MYO18A: variants seen among roughly 807,000 people sequenced by gnomAD.
MYO18A encodes myosin XVIIIA, also known as unconventional myosin-XVIIIa.
In MYO18A, 78 loss-of-function variants were observed where a neutral mutation model predicts 235.8. The ratio of observed to expected loss-of-function variants is 0.33; its 90% confidence interval spans 0.28 to 0.40. MYO18A has a LOEUF of 0.40. Ranked by LOEUF, MYO18A falls within the 10% of genes least tolerant of loss-of-function variation. MYO18A has a pLI of 1.00. For synonymous variants in MYO18A, 977 were observed against 1,077.8 expected (o/e 0.91, Z 1.83); for missense variants, 2,215 against 2,699.3 (o/e 0.82, Z 3.98).
At chr17:29,079,729 C>T (rs1401401659) in intron 41 of MYO18A, 3 of 985,950 alleles carry the variant, frequency 3.0e-6, no homozygotes, top group Admixed American at 6.1e-5. Flanking sequence ...CCACCTACTG[C>T]ACTAGTCGCT....
At position 29,120,959 on chromosome 17, in the gene MYO18A, TCACCC is replaced by T; in HGVS notation, c.1585+34_1585+38del. 2.5e-6 allele frequency: 4 copies of T among 1,586,864 alleles called. No homozygotes were observed. The highest frequency in any genetic ancestry group is 3.4e-6 in the Non-Finnish European group (4 of 1,166,526). On this transcript the variant is annotated intron_variant, in intron 6 of 41. Transcript: ENST00000527372. The surrounding 1 kb of genome is among the most constrained non-coding windows in gnomAD (Gnocchi z 4.2). ...GTGCTCTCTCCTCACTCCCCTCCCC[TCACCC>T]CACTTTCAGTTTTCTCCCTTGTCCC... is the stretch of plus-strand genomic sequence containing the variant.
rs1282134981 is a variant in MYO18A, at chr17:29,090,710, C to A, written c.5305-95G>T. 6.6e-6 allele frequency: 10 copies of A among 1,519,280 alleles called. No homozygotes were observed. The East Asian group carries it at 2.0e-4, about 31-fold the overall frequency. The allele number at this position is 1,519,280 out of a possible 1,614,324, so 94.1% of individuals were successfully genotyped here. ...ACACCAGGGGACCGAGGTTCCCACT[C>A]CATCACCTCCCAAAACAAGCGGTTG... On this transcript the variant is annotated intron_variant, in intron 35 of 41. Transcript: ENST00000527372.
At chr17:29,132,176 C>A (rs577546174) in intron 2 of MYO18A, among the ~76,000 whole-genome samples, 1 of 152,274 alleles carries the variant, frequency 6.6e-6, no homozygotes, top group East Asian at 1.9e-4. Context: ...TGTGCTGGAG[C>A]CCAGGAGCTG....
At chr17:29,173,117 G>A (rs956894872) in intron 1 of MYO18A, among the ~76,000 whole-genome samples, 2 of 147,950 alleles carry the variant, frequency 1.4e-5, no homozygotes, top group Non-Finnish European at 3.0e-5. Context: ...TTTTTGAGAC[G>A]GAGTTTCGCT....
In MYO18A at chr17:29,111,867, C is replaced by T. The variant is rs374211808; in HGVS notation, c.2599-4G>A. The stretch of plus-strand genomic sequence containing the variant: ...CTGTGCGGGCCAGCGAGCGGACCTA[C>T]AGAGAAGGAAGGAAATCCCTCCTTG... On this transcript the variant is annotated splice_polypyrimidine_tract_variant and splice_region_variant and intron_variant, in intron 15 of 41. Transcript: ENST00000527372. This position sits in a 1 kb window ranked among gnomAD's most constrained non-coding sequence, Gnocchi z 5.1. 1.2e-6 allele frequency: 2 copies of T among 1,605,838 alleles called. No homozygotes were observed. Among genetic ancestry groups the T allele is most frequent in the Non-Finnish European group, 1.7e-6 (2 of 1,176,304 alleles).
intron 41 of MYO18A, chr17:29,080,493 G>A: frequency 1.1e-5 from 11 of 986,172 alleles, no homozygotes; most frequent in Non-Finnish European, 1.3e-5. Flanking sequence ...GAGAATCAGG[G>A]CTCTCCCGGC....
At position 29,166,694 on chromosome 17, in the gene MYO18A, A is replaced by C. The variant is rs1475320075; in HGVS notation, c.247T>G (p.Ser83Ala). The C allele has an allele frequency of 6.2e-7, 1 of 1,613,514 alleles. No homozygotes were observed. Among genetic ancestry groups the C allele is most frequent in the Non-Finnish European group, 8.5e-7 (1 of 1,179,836 alleles). Reference sequence around the variant, plus strand: ...ATGACGCTGCCCCGGTTACTATCGGAGTCAATGTCAGTCAGGTGCAGGTCA... The same window carrying C: ...ATGACGCTGCCCCGGTTACTATCGGCGTCAATGTCAGTCAGGTGCAGGTCA... Reference protein sequence around the residue: ...GSDLHLTDIDSDSNRGSVILD... With the variant: ...GSDLHLTDIDADSNRGSVILD... The change falls in exon 2 of 42, where the codon TCC becomes GCC. Residue 83 changes from serine to alanine, a missense_variant. Transcript: ENST00000527372.
Position 29,072,925 on chromosome 17 carries a change from G to C in MYO18A, c.*1845C>G, listed in dbSNP as rs1350846725. 1 of 152,202 alleles carries C rather than the reference G, an allele frequency of 6.6e-6. No individual in the cohort carries two copies. The highest frequency in any genetic ancestry group is 2.1e-4 in the South Asian group (1 of 4,826). 9.4% of individuals were successfully genotyped at this position (152,202 alleles called of 1,614,324 possible). A position where few individuals can be genotyped will look rare whatever the true frequency, so the allele number is the denominator to read the frequency against. ...GGAGTAGGGCATGAAGACAGGGACC[G>C]AGCAGGGCAGAGACAGCACTCCCAA... On this transcript the variant is annotated 3_prime_UTR_variant, in exon 42 of 42. Transcript: ENST00000527372.
At position 29,140,398 on chromosome 17, in the gene MYO18A, GGCTCCGTTAGCA is replaced by G; in HGVS notation, c.1000-18157_1000-18146del. On this transcript the variant is annotated intron_variant, in intron 2 of 41. Transcript: ENST00000527372. The surrounding 1 kb of genome is among the most constrained non-coding windows in gnomAD (Gnocchi z 4.2). ...GGAGACTCCGCTCTGATGCTGCTCT[GGCTCCGTTAGCA>G]GCTCAAAATAGCACAGGCTGTGGCC... 1 of 1,283,694 alleles carries G rather than the reference GGCTCCGTTAGCA, an allele frequency of 7.8e-7. No individual in the cohort carries two copies. Among genetic ancestry groups the G allele is most frequent in the Non-Finnish European group, 1.0e-6 (1 of 986,180 alleles). The allele number at this position is 1,283,694 out of a possible 1,614,324, so 79.5% of individuals were successfully genotyped here. A position where few individuals can be genotyped will look rare whatever the true frequency, so the allele number is the denominator to read the frequency against.
chr17:29,166,784 T>G lies in MYO18A; in HGVS notation c.157A>C (p.Lys53Gln). 1 of 1,612,090 alleles carries G rather than the reference T, an allele frequency of 6.2e-7. No homozygotes were observed. The highest frequency in any genetic ancestry group is 8.5e-7 in the Non-Finnish European group (1 of 1,179,172). ...RGFFNLNRSSKRESKTRLEIS... is the reference protein window; with the variant it reads ...RGFFNLNRSSQRESKTRLEIS... ...TCCAGGCGCGTCTTGGATTCACGCT[T>G]GGAGGAGCGGTTCAGGTTGAAGAAG... Residue 53 changes from lysine (K) to glutamine (Q), a missense_variant, in exon 2 of 42, where the codon AAG becomes CAG. By Grantham distance (53) the Lys-to-Gln change is moderately conservative. Transcript: ENST00000527372.
intron 1 of MYO18A, among the ~76,000 whole-genome samples, chr17:29,167,729 G>A (rs903295045): frequency 1.3e-5 from 2 of 151,516 alleles, no homozygotes; most frequent in Non-Finnish European, 2.9e-5. Flanking sequence ...CAAACTCAAA[G>A]GAAAAAGAAA....
At chr17:29,087,860 C>T (rs1198414127) in intron 37 of MYO18A, among the ~76,000 whole-genome samples, 2 of 151,688 alleles carry the variant, frequency 1.3e-5, no homozygotes, top group African/African-American at 4.9e-5. Context: ...GGTAGAGGTG[C>T]GGGAAGGGAC....
Position 29,121,602 on chromosome 17 carries a change from C to T in MYO18A, c.1316G>A (p.Gly439Asp). 1 of 1,598,598 alleles carries T rather than the reference C, an allele frequency of 6.3e-7. No individual in the cohort carries two copies. The highest frequency in any genetic ancestry group is 8.5e-7 in the Non-Finnish European group (1 of 1,173,170). ...GGGGCCAAGAACCAGCAGGCTGGGG[C>T]CAGCATACGTGTGCAGCAGGCTAGC... ...YGASLLHTYAGPSLLVLGPRG... is the reference protein window; with the variant it reads ...YGASLLHTYADPSLLVLGPRG... The change falls in exon 5 of 42, where the codon GGC becomes GAC. Residue 439 changes from glycine (G) to aspartate (D), a missense_variant. By Grantham distance (94) the Gly-to-Asp change is moderately conservative. Transcript: ENST00000527372. This position sits in a 1 kb window ranked among gnomAD's most constrained non-coding sequence, Gnocchi z 4.2.
chr17:29,124,389 C>G (rs1296267826), intron 2 of MYO18A, among the ~76,000 whole-genome samples: 1 of 152,226 alleles, frequency 6.6e-6, no homozygotes, highest in African/African-American at 2.4e-5. Context: ...GGCTGAGAAC[C>G]ACATGCCACA....
At chr17:29,153,477 C>G (rs7211238) in intron 2 of MYO18A, among the ~76,000 whole-genome samples, 93,419 of 152,156 alleles carry the variant, frequency 0.61, 29,652 homozygotes, top group East Asian at 0.89. Flanking sequence ...TCATAGATGA[C>G]GAAAATGAGG....
chr17:29,086,880 T>C, intron 38 of MYO18A, 56 bp downstream of exon 38: 2 of 1,540,918 alleles, frequency 1.3e-6, no homozygotes, highest in Non-Finnish European at 1.8e-6. Flanking sequence ...AGGCATACAC[T>C]CAGCAGCTAC....
chr17:29,152,504 A>C (rs1567635377), intron 2 of MYO18A, among the ~76,000 whole-genome samples: 1 of 152,198 alleles, frequency 6.6e-6, no homozygotes, highest in African/African-American at 2.4e-5. Context: ...TGCAGCCCTG[A>C]GTAAGCTTAG....
rs2068108116 is a variant in MYO18A, at chr17:29,158,568, C to G, written c.999+7374G>C. On this transcript the variant is annotated intron_variant, in intron 2 of 41. Transcript: ENST00000527372. The surrounding 1 kb of genome is among the most constrained non-coding windows in gnomAD (Gnocchi z 4.3). ...TGCTGCCAGATGCCTGGGGCACAAC[C>G]ATACCCGCTGCCCAGGACTGACAAT... is the stretch of plus-strand genomic sequence containing the variant. Among the ~76,000 whole-genome samples, 1 of 152,188 alleles carries G rather than the reference C, an allele frequency of 6.6e-6. No homozygotes were observed. The highest frequency in any genetic ancestry group is 1.5e-5 in the Non-Finnish European group (1 of 68,038).
intron 1 of MYO18A, among the ~76,000 whole-genome samples, chr17:29,172,271 C>T (rs983106411): frequency 3.3e-5 from 5 of 152,018 alleles, no homozygotes; most frequent in Admixed American, 2.6e-4. Flanking sequence ...ATCAGGTGTT[C>T]GAAACCAGCC....
Sources: gnomAD v4.1 joint callset for allele counts (sites outside exome capture counted in the v4.1 genomes callset) on GRCh38, gnomAD v4.1.1 for gene constraint, Gnocchi (gnomAD v3.1) non-coding constraint, MANE v1.5 for transcripts, NCBI Gene and HGNC (gene_info 2026-07-23, HGNC 2026-07-21) for gene names.